NTRK3: variants seen among roughly 807,000 people sequenced by gnomAD.
The protein encoded by NTRK3 is NT-3 growth factor receptor.
Under a neutral mutation model 91.7 loss-of-function variants are expected in NTRK3, and 24 were observed. That is an observed-to-expected ratio of 0.26 (90% CI 0.19 to 0.37). The LOEUF (loss-of-function observed/expected upper bound fraction) is 0.37. NTRK3 is among the 10% of genes least tolerant of loss of function. NTRK3 has a pLI of 1.00. For synonymous variants in NTRK3, 483 were observed against 404.0 expected, an observed-to-expected ratio of 1.20 and a Z score of -2.34; for missense variants, 880 against 1,068.9, an observed-to-expected ratio of 0.82 and a Z score of 2.46.
At chr15:88,149,197 C>T (rs542657728) in intron 5 of NTRK3, among the ~76,000 whole-genome samples, 1 of 152,298 alleles carries the variant, frequency 6.6e-6, no homozygotes, top group South Asian at 2.1e-4. Flanking sequence ...ACATGGCTTT[C>T]CCTTCTCATT....
At chr15:88,130,266 G>A (rs1046962096) in intron 10 of NTRK3, among the ~76,000 whole-genome samples, 1 of 152,080 alleles carries the variant, frequency 6.6e-6, no homozygotes, top group Admixed American at 6.5e-5. Flanking sequence ...AATAAAAGGT[G>A]GAAGAATGAA....
chr15:88,218,039 T>C (rs949712060), intron 3 of NTRK3, among the ~76,000 whole-genome samples: 3 of 152,166 alleles, frequency 2.0e-5, no homozygotes, highest in Non-Finnish European at 4.4e-5. Flanking sequence ...GACGAACACC[T>C]GGACAACAGC....
At chr15:87,869,282 A>G (rs1216973266) in exon 19 of NTRK3, 2 of 230,506 alleles carry the variant, frequency 8.7e-6, no homozygotes, top group Non-Finnish European at 1.7e-5. Context: ...CAGTGGGGAG[A>G]GGAGGGTTGC....
Position 88,211,064 on chromosome 15 carries a change from A to G in NTRK3, c.249-26765T>C, listed in dbSNP as rs566923091. Among the ~76,000 whole-genome samples, 12 of 152,374 alleles carry G rather than the reference A, an allele frequency of 7.9e-5. No homozygotes were observed. The South Asian group carries it at 1.2e-3, about 16-fold the overall frequency. ...CATAAAATTAGCCATCTTAACATGTATAATTTAGTGGCATTTAATACACTC... is the reference window on the plus strand; with the variant it reads ...CATAAAATTAGCCATCTTAACATGTGTAATTTAGTGGCATTTAATACACTC... On this transcript the variant is annotated intron_variant, in intron 3 of 18. Transcript: ENST00000394480.
intron 3 of NTRK3, among the ~76,000 whole-genome samples, chr15:88,224,862 C>A (rs2050540050): frequency 6.6e-6 from 1 of 152,218 alleles, no homozygotes; most frequent in South Asian, 2.1e-4. Flanking sequence ...GAGGTGTGCA[C>A]AAGGCCCTCA....
At chr15:88,111,235 G>C (rs898603719) in intron 13 of NTRK3, among the ~76,000 whole-genome samples, 1 of 152,160 alleles carries the variant, frequency 6.6e-6, no homozygotes. Flanking sequence ...TCCTTCCAAG[G>C]CAAGTGGCTA....
chr15:87,990,033 C>T (rs891053149), intron 14 of NTRK3, among the ~76,000 whole-genome samples: 6 of 152,024 alleles, frequency 3.9e-5, no homozygotes, highest in Non-Finnish European at 7.4e-5. Flanking sequence ...TTGTTGTTAC[C>T]TCCATCTAGC....
At chr15:88,066,767 T>C (rs1263549698) in intron 13 of NTRK3, among the ~76,000 whole-genome samples, 1 of 152,146 alleles carries the variant, frequency 6.6e-6, no homozygotes, top group Non-Finnish European at 1.5e-5. Flanking sequence ...CAGCCTGGGA[T>C]GGACTTTCTT....
At chr15:87,985,864 CA>C (rs1228452587) in intron 14 of NTRK3, among the ~76,000 whole-genome samples, 1 of 151,672 alleles carries the variant, frequency 6.6e-6, no homozygotes, top group African/African-American at 2.4e-5. Context: ...GGCTCTAACT[CA>C]AAAAAAGGGG....
chr15:88,189,418 C>CTTTTTTTTTTTTTTTTTT (rs10588011), intron 3 of NTRK3, among the ~76,000 whole-genome samples: 1 of 147,056 alleles, frequency 6.8e-6, no homozygotes. Context: ...ATTGCAATTC[C>CTTTTTTTTTTTTTTTTTT]TTTTTTTTTT....
At chr15:88,041,824 T>TAAAAAA (rs35696268) in intron 13 of NTRK3, among the ~76,000 whole-genome samples, 2 of 90,240 alleles carry the variant, frequency 2.2e-5, no homozygotes, top group African/African-American at 4.2e-5. Context: ...AAGTCCCTCA[T>TAAAAAA]AAAAAAAAAA....
At chr15:88,122,095 A>G (rs2052773382) in intron 13 of NTRK3, among the ~76,000 whole-genome samples, 1 of 152,246 alleles carries the variant, frequency 6.6e-6, no homozygotes, top group Non-Finnish European at 1.5e-5. Context: ...ACAAGGAAAT[A>G]AAGCAAGATG....
intron 3 of NTRK3, among the ~76,000 whole-genome samples, chr15:88,186,547 T>TAGG (rs2151637026): frequency 6.6e-6 from 1 of 152,290 alleles, no homozygotes; most frequent in South Asian, 2.1e-4. Context: ...ACAGTGTGGG[T>TAGG]AGGAGTCAGG....
At chr15:88,135,494 C>CG in intron 9 of NTRK3, 97 bp from the exon 10 acceptor site, 1 of 1,372,254 alleles carries the variant, frequency 7.3e-7, no homozygotes, top group Admixed American at 2.0e-5. Context: ...GGTTCTTCCC[C>CG]ACCCACTCTG....
intron 13 of NTRK3, among the ~76,000 whole-genome samples, chr15:88,094,198 G>A (rs1329744230): frequency 6.6e-6 from 1 of 152,136 alleles, no homozygotes; most frequent in Non-Finnish European, 1.5e-5. Flanking sequence ...CGGGCGCGGT[G>A]GCTCACGCCT....
At chr15:88,007,274 A>T in intron 14 of NTRK3, among the ~76,000 whole-genome samples, 1 of 152,236 alleles carries the variant, frequency 6.6e-6, no homozygotes, top group Non-Finnish European at 1.5e-5. Flanking sequence ...TCCAAGACAC[A>T]TAACCAGTAG....
intron 13 of NTRK3, among the ~76,000 whole-genome samples, chr15:88,126,070 T>C (rs2053254659): frequency 6.6e-6 from 1 of 152,210 alleles, no homozygotes; most frequent in African/African-American, 2.4e-5. Context: ...GATCTACAGT[T>C]TGGTTCCCAC....
intron 14 of NTRK3, among the ~76,000 whole-genome samples, chr15:88,020,820 G>GCTCA (rs2077544430): frequency 6.6e-6 from 1 of 152,128 alleles, no homozygotes; most frequent in African/African-American, 2.4e-5. Context: ...TAACCCCCTA[G>GCTCA]TTCAGCTCAT....
Position 88,237,659 on chromosome 15 carries a change from C to T in NTRK3, c.248+18247G>A, listed in dbSNP as rs1434300561. ...GCTTGCGTGTGTCCTTCCCTTTATC[C>T]ACCTCTATTCCACCTAAGACCGTGC... On this transcript the variant is annotated intron_variant, in intron 3 of 18. Coordinates refer to ENST00000394480, the Ensembl canonical transcript of NTRK3. This position sits in a 1 kb window ranked among gnomAD's most constrained non-coding sequence, Gnocchi z 4.0. Among the ~76,000 whole-genome samples, 4 of 152,060 alleles carry T rather than the reference C, an allele frequency of 2.6e-5. No individual in the cohort carries two copies. The highest frequency in any genetic ancestry group is 4.4e-5 in the Non-Finnish European group (3 of 68,016).
Sources: gnomAD v4.1 joint callset for allele counts (sites outside exome capture counted in the v4.1 genomes callset) on GRCh38, gnomAD v4.1.1 for gene constraint, Gnocchi (gnomAD v3.1) non-coding constraint, MANE v1.5 for transcripts, NCBI Gene and HGNC (gene_info 2026-07-23, HGNC 2026-07-21) for gene names.